The following SMOC1 variants were observed in gnomAD, a reference collection of about 807,000 sequenced individuals.
The protein encoded by SMOC1 is SPARC related modular calcium binding 1, also known as SPARC-related modular calcium-binding protein 1.
In SMOC1, 22 loss-of-function variants were observed where a neutral mutation model predicts 56.3. That is an observed-to-expected ratio of 0.39 (90% CI 0.28 to 0.56). The LOEUF (loss-of-function observed/expected upper bound fraction) is 0.56. Among genes scored for constraint, SMOC1 ranks in the 20% least tolerant of loss-of-function variants. SMOC1 has a pLI of 0.61. For synonymous variants in SMOC1, 193 were observed against 215.0 expected (o/e 0.90, Z 0.89); for missense variants, 509 against 565.4 (o/e 0.90, Z 1.01).
intron 1 of SMOC1, chr14:69,885,250 C>A (rs1464174835): frequency 4.9e-6 from 4 of 810,012 alleles, no homozygotes; most frequent in South Asian, 2.0e-5. Flanking sequence ...CGATTACTCT[C>A]TCCTTCGAAC....
At chr14:69,985,432 C>T (rs960448586) in intron 5 of SMOC1, among the ~76,000 whole-genome samples, 6 of 152,072 alleles carry the variant, frequency 3.9e-5, no homozygotes, top group African/African-American at 1.4e-4. Context: ...TGGCCACACA[C>T]ACAAAAAACC....
At chr14:70,025,736 T>G (rs1885902154) in intron 11 of SMOC1, among the ~76,000 whole-genome samples, 1 of 152,228 alleles carries the variant, frequency 6.6e-6, no homozygotes. Flanking sequence ...CCTTTGAGCA[T>G]CATGTCAGCA....
intron 1 of SMOC1, among the ~76,000 whole-genome samples, chr14:69,899,343 A>T (rs75507160): frequency 0.057 from 8,655 of 152,244 alleles, 295 homozygotes; most frequent in Non-Finnish European, 0.077. Flanking sequence ...TGGATCCTTC[A>T]TGAATGATTT....
At chr14:69,916,998 A>G (rs745512196) in intron 1 of SMOC1, among the ~76,000 whole-genome samples, 10 of 152,244 alleles carry the variant, frequency 6.6e-5, no homozygotes, top group Non-Finnish European at 1.3e-4. Flanking sequence ...ACCATGCATT[A>G]TAATACGGTG....
At chr14:69,949,116 G>A (rs545608520) in intron 1 of SMOC1, among the ~76,000 whole-genome samples, 1 of 152,356 alleles carries the variant, frequency 6.6e-6, no homozygotes, top group East Asian at 1.9e-4. Flanking sequence ...CCCAGCTCAA[G>A]ACACTCCTGA....
At chr14:70,027,297 G>C (rs1429986061) in intron 11 of SMOC1, among the ~76,000 whole-genome samples, 1 of 152,196 alleles carries the variant, frequency 6.6e-6, no homozygotes, top group African/African-American at 2.4e-5. Flanking sequence ...TCCCCTCCAG[G>C]AGAAGGACCC....
chr14:69,944,073 T>C (rs1412311645), intron 1 of SMOC1, among the ~76,000 whole-genome samples: 1 of 152,210 alleles, frequency 6.6e-6, no homozygotes, highest in African/African-American at 2.4e-5. Flanking sequence ...CCATACATAT[T>C]GATTAAATGC....
At chr14:69,886,977 C>G (rs1883826346) in intron 1 of SMOC1, among the ~76,000 whole-genome samples, 1 of 152,170 alleles carries the variant, frequency 6.6e-6, no homozygotes, top group Non-Finnish European at 1.5e-5. Flanking sequence ...ATTCACATTT[C>G]TTATGGCCCA....
At position 69,938,334 on chromosome 14, in the gene SMOC1, G is replaced by A. The variant is rs553043329; in HGVS notation, c.100-13804G>A. On this transcript the variant is annotated intron_variant, in intron 1 of 11. Transcript: ENST00000361956. The stretch of plus-strand genomic sequence containing the variant: ...GTGGGCTATGTTGAGGCTGTTTTGG[G>A]CCCTTTTGTATTGATAAGGGGAACA... Among the ~76,000 whole-genome samples the A allele has an allele frequency of 3.6e-4, 55 of 152,246 alleles. No homozygotes were observed. The South Asian group carries it at 0.01, about 29-fold the overall frequency.
chr14:69,972,130 C>T (rs986261083), intron 3 of SMOC1, among the ~76,000 whole-genome samples: 3 of 152,048 alleles, frequency 2.0e-5, no homozygotes, highest in African/African-American at 4.8e-5. Context: ...ACAGACAGAC[C>T]GAGGCTTAGT....
At chr14:70,013,285 C>G (rs1311567643) in intron 9 of SMOC1, 101 bp from the exon 10 acceptor site, 2 of 1,053,162 alleles carry the variant, frequency 1.9e-6, no homozygotes, top group Non-Finnish European at 2.9e-6. Context: ...TTTGGCTGGA[C>G]AAGAAGGGCT....
rs553655763 is a variant in SMOC1, at chr14:70,002,168, T to C, written c.664+7688T>C. Among the ~76,000 whole-genome samples the C allele has an allele frequency of 5.3e-5, 8 of 152,314 alleles. No individual in the cohort carries two copies. In the East Asian group the frequency reaches 7.7e-4, roughly 15 times the overall value. On this transcript the variant is annotated intron_variant, in intron 7 of 11. Coordinates refer to ENST00000361956, the MANE Select transcript of SMOC1 (RefSeq NM_001034852.3). ...TTCTTCTCTTGGCCAGTGAGTTAAT[T>C]AGAAAGGTGCTCCCTCCAGGGGGTC...
intron 11 of SMOC1, among the ~76,000 whole-genome samples, chr14:70,025,960 T>A (rs1008104278): frequency 8.5e-5 from 13 of 152,192 alleles, no homozygotes; most frequent in Non-Finnish European, 5.9e-5. Flanking sequence ...ATACTACTAT[T>A]CTTCTTTGTA....
intron 1 of SMOC1, among the ~76,000 whole-genome samples, chr14:69,880,314 C>T (rs1270495203): frequency 6.6e-6 from 1 of 152,138 alleles, no homozygotes; most frequent in Non-Finnish European, 1.5e-5. Context: ...ATGTCACCTC[C>T]TGCCGGGCAG....
At chr14:69,975,362 A>T (rs900625501) in intron 3 of SMOC1, among the ~76,000 whole-genome samples, 1 of 152,126 alleles carries the variant, frequency 6.6e-6, no homozygotes, top group African/African-American at 2.4e-5. Flanking sequence ...GTGGGTTAGA[A>T]TTTTTTACAG....
At chr14:69,970,109 C>T (rs529117500) in intron 3 of SMOC1, among the ~76,000 whole-genome samples, 9 of 152,190 alleles carry the variant, frequency 5.9e-5, no homozygotes, top group South Asian at 2.1e-4. Flanking sequence ...CAGGGCAGCC[C>T]GCAGCAGGTG....
chr14:69,969,466 GA>G (rs1426430921), intron 3 of SMOC1, among the ~76,000 whole-genome samples: 1 of 152,106 alleles, frequency 6.6e-6, no homozygotes, highest in Non-Finnish European at 1.5e-5. Context: ...AGGAACAGGA[GA>G]GAGGGAGGGG....
intron 1 of SMOC1, among the ~76,000 whole-genome samples, chr14:69,903,254 C>T (rs1884303577): frequency 6.6e-6 from 1 of 151,980 alleles, no homozygotes; most frequent in Non-Finnish European, 1.5e-5. Flanking sequence ...GTGAGGAGCG[C>T]CTCTGCCCAG....
Position 70,010,808 on chromosome 14 carries a change from A to G in SMOC1, c.719A>G (p.Gln240Arg), listed in dbSNP as rs1885307271. 2 of 1,614,144 alleles carry G rather than the reference A, an allele frequency of 1.2e-6. No individual in the cohort carries two copies. Among genetic ancestry groups the G allele is most frequent in the Non-Finnish European group, 1.7e-6 (2 of 1,180,048 alleles). The change falls in exon 8 of 12, where the codon CAG (glutamine) becomes CGG (arginine). Residue 240 changes from glutamine to arginine, a missense_variant. Gln to Arg is a conservative substitution (Grantham distance 43). Around this residue, in one of 3 missense-constraint regions of SMOC1, gnomAD observed 315 missense variants for 333.1 expected, o/e 0.95. Coordinates refer to ENST00000361956, the MANE Select transcript of SMOC1 (RefSeq NM_001034852.3). ...CAGAGTGCCCTGGAAGAGGCCCAGC[A>G]GAATCCCCGTGAGGGTATTGTCATC... The part of the protein sequence containing the change: ...ERQSALEEAQ[Q>R]NPREGIVIPE...
Sources: allele counts gnomAD v4.1 joint callset (sites outside exome capture counted in the v4.1 genomes callset), GRCh38; gene constraint gnomAD v4.1.1; regional missense constraint gnomAD v4.1.1; transcripts MANE v1.5; gene names NCBI Gene and HGNC (gene_info 2026-07-23, HGNC 2026-07-21).